SNAP25: variants seen among roughly 807,000 people sequenced by gnomAD.
The protein encoded by SNAP25 is synaptosomal-associated protein 25.
Under a neutral mutation model 28.7 loss-of-function variants are expected in SNAP25, and 3 were observed. The ratio of observed to expected loss-of-function variants is 0.10; its 90% CI spans 0.05 to 0.27. The LOEUF is 0.27. Among genes scored for constraint, SNAP25 ranks in the 10% least tolerant of loss-of-function variants. SNAP25 has a pLI of 1.00. For synonymous variants in SNAP25, 61 were observed against 88.1 expected (o/e 0.69, Z 1.72); for missense variants, 117 against 278.7 (o/e 0.42, Z 4.13).
At chr20:10,285,907 T>A (rs1306261348) in intron 4 of SNAP25, among the ~76,000 whole-genome samples, 1 of 152,200 alleles carries the variant, frequency 6.6e-6, no homozygotes, top group Non-Finnish European at 1.5e-5. Context: ...ATAACCAGTG[T>A]TGTGAATATG....
chr20:10,282,598 A>G (rs1428104198), intron 3 of SNAP25, among the ~76,000 whole-genome samples: 1 of 152,254 alleles, frequency 6.6e-6, no homozygotes, highest in Non-Finnish European at 1.5e-5. Context: ...GAATATCAAG[A>G]AAGTGTAAAC....
chr20:10,270,771 G>C (rs949153680), intron 1 of SNAP25, among the ~76,000 whole-genome samples: 2 of 152,084 alleles, frequency 1.3e-5, no homozygotes, highest in Admixed American at 6.5e-5. Context: ...GAATCCCTGA[G>C]GGTAGGGCCC....
chr20:10,286,787 A>T lies in SNAP25; in HGVS notation c.163+2015A>T, dbSNP rs181999365. The stretch of plus-strand genomic sequence containing the variant: ...CATAAACCCCAACATTTTTCCTTCA[A>T]TTTTCACAATACAAATTGTCAAAAG... On this transcript the variant is annotated intron_variant, in intron 4 of 7. Transcript: ENST00000254976. Among the ~76,000 whole-genome samples, 6 of 152,302 alleles carry T rather than the reference A, an allele frequency of 3.9e-5. 1 individual carries two copies. The highest frequency in any genetic ancestry group is 3.9e-4 in the Admixed American group (6 of 15,296).
chr20:10,244,239 GTA>G (rs1491019230), intron 1 of SNAP25, among the ~76,000 whole-genome samples: 3 of 152,116 alleles, frequency 2.0e-5, no homozygotes, highest in Non-Finnish European at 4.4e-5. Flanking sequence ...CTGACCTTGT[GTA>G]TCTGATCTCT....
At chr20:10,255,780 C>G (rs1054460668) in intron 1 of SNAP25, among the ~76,000 whole-genome samples, 4 of 152,172 alleles carry the variant, frequency 2.6e-5, no homozygotes, top group Admixed American at 2.6e-4. Flanking sequence ...GTTAATATGG[C>G]TTTGATAACT....
chr20:10,291,268 G>A (rs2063992811), intron 4 of SNAP25, among the ~76,000 whole-genome samples: 2 of 152,124 alleles, frequency 1.3e-5, no homozygotes, highest in East Asian at 1.9e-4. Flanking sequence ...TAGAAACATG[G>A]TTTTACCATG....
intron 4 of SNAP25, among the ~76,000 whole-genome samples, chr20:10,289,490 A>C (rs765712284): frequency 1.3e-5 from 2 of 151,908 alleles, no homozygotes; most frequent in African/African-American, 4.8e-5. Flanking sequence ...AGAGTCAGCT[A>C]TCTTAAAAGG....
chr20:10,270,804 T>TC (rs2063580540), intron 1 of SNAP25, among the ~76,000 whole-genome samples: 1 of 152,140 alleles, frequency 6.6e-6, no homozygotes. Context: ...TAACAAGGTT[T>TC]CTGCATATTC....
chr20:10,248,892 C>CATTATTA (rs2063176393), intron 1 of SNAP25, among the ~76,000 whole-genome samples: 2 of 152,170 alleles, frequency 1.3e-5, no homozygotes, highest in Admixed American at 6.5e-5. Context: ...TAACAGACTC[C>CATTATTA]CAGGTGAGGC....
intron 1 of SNAP25, among the ~76,000 whole-genome samples, chr20:10,242,903 T>C (rs2063060941): frequency 6.6e-6 from 1 of 152,274 alleles, no homozygotes; most frequent in Admixed American, 6.5e-5. Flanking sequence ...CAAAGGTATC[T>C]GATCCTGTTT....
chr20:10,220,732 T>G (rs563606670), intron 1 of SNAP25, among the ~76,000 whole-genome samples: 6 of 152,332 alleles, frequency 3.9e-5, no homozygotes, highest in African/African-American at 1.4e-4. Flanking sequence ...TCATATGTAA[T>G]AATCTATACA....
intron 1 of SNAP25, among the ~76,000 whole-genome samples, chr20:10,248,652 T>C (rs955364193): frequency 6.6e-6 from 1 of 152,196 alleles, no homozygotes; most frequent in Admixed American, 6.5e-5. Flanking sequence ...GCTAGACATC[T>C]TGCCTGGGAT....
intron 1 of SNAP25, among the ~76,000 whole-genome samples, chr20:10,271,207 G>A (rs923562941): frequency 2.0e-5 from 3 of 152,134 alleles, no homozygotes; most frequent in African/African-American, 7.2e-5. Context: ...CACTACTAAC[G>A]TCCTTTCAGC....
intron 7 of SNAP25, among the ~76,000 whole-genome samples, chr20:10,305,150 T>A (rs535829360): frequency 2.0e-5 from 3 of 152,330 alleles, no homozygotes; most frequent in South Asian, 4.1e-4. Context: ...CATGCCTAAT[T>A]TTTTCTAAAT....
chr20:10,261,737 T>C (rs904281987), intron 1 of SNAP25, among the ~76,000 whole-genome samples: 1 of 152,134 alleles, frequency 6.6e-6, no homozygotes, highest in African/African-American at 2.4e-5. Flanking sequence ...GAATTAACAA[T>C]GTAGCGTGCA....
At chr20:10,304,534 A>T (rs1006472298) in intron 7 of SNAP25, among the ~76,000 whole-genome samples, 2 of 152,250 alleles carry the variant, frequency 1.3e-5, no homozygotes, top group Non-Finnish European at 2.9e-5. Flanking sequence ...TAAGAAAATC[A>T]TAAGGAAGAT....
intron 1 of SNAP25, among the ~76,000 whole-genome samples, chr20:10,223,664 A>T (rs1217863833): frequency 6.6e-6 from 1 of 151,328 alleles, no homozygotes; most frequent in African/African-American, 2.4e-5. Flanking sequence ...GAGGGGACAA[A>T]AAGTTAAAAA....
intron 5 of SNAP25, among the ~76,000 whole-genome samples, chr20:10,294,973 G>T (rs1032180052): frequency 8.5e-5 from 13 of 152,264 alleles, no homozygotes; most frequent in Non-Finnish European, 1.6e-4. Flanking sequence ...AGGGTCCCCT[G>T]GGATGGATTC....
intron 1 of SNAP25, among the ~76,000 whole-genome samples, chr20:10,254,888 T>A (rs894889064): frequency 6.6e-6 from 1 of 152,212 alleles, no homozygotes; most frequent in African/African-American, 2.4e-5. Flanking sequence ...CTGTGTCTCA[T>A]TGGCCTCAGG....
Sources: allele counts gnomAD v4.1 joint callset (sites outside exome capture counted in the v4.1 genomes callset), GRCh38; gene constraint gnomAD v4.1.1; transcripts MANE v1.5; gene names NCBI Gene and HGNC (gene_info 2026-07-23, HGNC 2026-07-21).